Variants in BMAL2 observed in about 807,000 individuals in gnomAD.
BMAL2 encodes the protein basic helix-loop-helix ARNT like 2, also known as basic helix-loop-helix ARNT-like protein 2.
At chr12:27,373,585 A>G in the BMAL2 span, among the ~76,000 whole-genome samples, 1 of 152,178 alleles carries the variant, frequency 6.6e-6, no homozygotes, top group Admixed American at 6.5e-5. Flanking sequence ...AGATAGTACA[A>G]GATGAGGGGA....
chr12:27,367,496 A>G, the BMAL2 span, among the ~76,000 whole-genome samples: 1 of 152,342 alleles, frequency 6.6e-6, no homozygotes, highest in Non-Finnish European at 1.5e-5. Context: ...AATGATAACT[A>G]TAGAAAAAAA....
At chr12:27,355,334 T>G in the BMAL2 span, among the ~76,000 whole-genome samples, 1 of 152,182 alleles carries the variant, frequency 6.6e-6, no homozygotes, top group African/African-American at 2.4e-5. Context: ...ATAGACCCCT[T>G]AATCAGCTGG....
chr12:27,377,203 T>C, the BMAL2 span, among the ~76,000 whole-genome samples: 2 of 152,324 alleles, frequency 1.3e-5, no homozygotes, highest in South Asian at 4.1e-4. Context: ...GCAGTAACTG[T>C]ACACAGAATT....
the BMAL2 span, among the ~76,000 whole-genome samples, chr12:27,412,659 T>C: frequency 1.3e-5 from 2 of 151,674 alleles, no homozygotes; most frequent in Admixed American, 1.3e-4. Context: ...CCCAGAAGGA[T>C]AGAGAAAGTC....
the BMAL2 span, chr12:27,403,315 T>C: frequency 2.9e-6 from 2 of 688,416 alleles, no homozygotes; most frequent in Non-Finnish European, 5.1e-6. Context: ...AGGATGAGTG[T>C]TTTCCAACTT....
chr12:27,393,025 C>G, the BMAL2 span, among the ~76,000 whole-genome samples: 1 of 152,190 alleles, frequency 6.6e-6, no homozygotes, highest in Non-Finnish European at 1.5e-5. Flanking sequence ...CCACCCTAAT[C>G]TAATCCTCCC....
At chr12:27,340,307 T>G in the BMAL2 span, among the ~76,000 whole-genome samples, 2 of 152,206 alleles carry the variant, frequency 1.3e-5, no homozygotes, top group Non-Finnish European at 2.9e-5. Flanking sequence ...TCAGTTTCAG[T>G]CTTTTGCATA....
At chr12:27,389,896 A>C in the BMAL2 span, 105 of 456,372 alleles carry the variant, frequency 2.3e-4, 1 homozygote, top group African/African-American at 2.0e-3. Context: ...AATGTCTGTA[A>C]GTTATCAAAA....
At chr12:27,408,197 T>A in the BMAL2 span, among the ~76,000 whole-genome samples, 1 of 152,122 alleles carries the variant, frequency 6.6e-6, no homozygotes, top group African/African-American at 2.4e-5. Flanking sequence ...CTTCTGAAAC[T>A]ATTCCAATCA....
At chr12:27,410,019 C>G in the BMAL2 span, among the ~76,000 whole-genome samples, 4 of 152,088 alleles carry the variant, frequency 2.6e-5, no homozygotes, top group East Asian at 1.9e-4. Context: ...GGCCATCAGA[C>G]AAATGCAAAT....
the BMAL2 span, among the ~76,000 whole-genome samples, chr12:27,335,303 C>T: frequency 4.6e-5 from 7 of 152,304 alleles, no homozygotes; most frequent in African/African-American, 1.4e-4. Flanking sequence ...CGAAATTGAG[C>T]ATGCTGCCAA....
the BMAL2 span, among the ~76,000 whole-genome samples, chr12:27,398,285 AGT>A: frequency 6.6e-6 from 1 of 152,214 alleles, no homozygotes; most frequent in Non-Finnish European, 1.5e-5. Flanking sequence ...AAATTAAGGC[AGT>A]GTTTAGGGTA....
the BMAL2 span, among the ~76,000 whole-genome samples, chr12:27,379,948 T>G: frequency 2.6e-5 from 4 of 152,216 alleles, no homozygotes; most frequent in African/African-American, 9.7e-5. Flanking sequence ...GGCACCCATC[T>G]CTTCTCTAAT....
the BMAL2 span, among the ~76,000 whole-genome samples, chr12:27,341,328 G>A: frequency 6.6e-6 from 1 of 152,140 alleles, no homozygotes; most frequent in South Asian, 2.1e-4. Context: ...ACATCAAAAG[G>A]TGTTGAATTT....
the BMAL2 span, chr12:27,418,229 C>T: frequency 2.9e-5 from 42 of 1,470,028 alleles, no homozygotes; most frequent in Admixed American, 1.4e-4. Flanking sequence ...TGACCATTTT[C>T]GTTTATCAAA....
At chr12:27,403,006 G>A in the BMAL2 span, among the ~76,000 whole-genome samples, 1 of 152,146 alleles carries the variant, frequency 6.6e-6, no homozygotes, top group Non-Finnish European at 1.5e-5. Context: ...AGGCAGGAAT[G>A]ATGTTTTATC....
At chr12:27,410,627 G>A in the BMAL2 span, among the ~76,000 whole-genome samples, 1 of 152,062 alleles carries the variant, frequency 6.6e-6, no homozygotes, top group Non-Finnish European at 1.5e-5. Context: ...GACAGCATTA[G>A]GAGATATACC....
chr12:27,347,842 A>G, the BMAL2 span, among the ~76,000 whole-genome samples: 1 of 152,194 alleles, frequency 6.6e-6, no homozygotes, highest in African/African-American at 2.4e-5. Context: ...GGCAACCTTT[A>G]GTACACAGTC....
the BMAL2 span, chr12:27,333,021 TC>T: frequency 1.7e-6 from 2 of 1,177,144 alleles, no homozygotes; most frequent in Non-Finnish European, 2.1e-6. Context: ...GGCCCGGGGC[TC>T]CTCCATGCTG....
Sources: gnomAD v4.1 joint callset for allele counts (sites outside exome capture counted in the v4.1 genomes callset) on GRCh38, gnomAD v4.1.1 for gene constraint, MANE v1.5 for transcripts, NCBI Gene and HGNC (gene_info 2026-07-23, HGNC 2026-07-21) for gene names.